The following ICA1L variants were observed in gnomAD, a reference collection of about 807,000 sequenced individuals.
The protein encoded by ICA1L is islet cell autoantigen 1 like, also known as islet cell autoantigen 1-like protein.
ICA1L carries 50 observed loss-of-function variants against 61.3 expected under a neutral mutation model. That is an observed-to-expected ratio of 0.82 (90% CI 0.65 to 1.03). The LOEUF is 1.03. ICA1L is among the 50% of genes least tolerant of loss of function. The pLI, the probability that ICA1L is intolerant of heterozygous loss-of-function variation, is 0.00. For missense variants in ICA1L, 508 were observed against 556.7 expected (o/e 0.91, Z 0.88); for synonymous variants, 161 against 191.3 (o/e 0.84, Z 1.31).
chr2:202,804,585 A>G (rs184649727), intron 9 of ICA1L, among the ~76,000 whole-genome samples: 1 of 152,334 alleles, frequency 6.6e-6, no homozygotes, highest in East Asian at 1.9e-4. Flanking sequence ...TAACAGTGGA[A>G]GATTTTAAAA....
chr2:202,779,709 C>T (rs1692334895), intron 12 of ICA1L, 61 bp from the exon 13 acceptor site: 1 of 981,040 alleles, frequency 1.0e-6, no homozygotes, highest in Non-Finnish European at 1.5e-6. Flanking sequence ...GTTTTTGTAC[C>T]ATATTTATGA....
chr2:202,783,088 A>C (rs1034250999), intron 12 of ICA1L, among the ~76,000 whole-genome samples: 3 of 152,168 alleles, frequency 2.0e-5, no homozygotes, highest in African/African-American at 4.8e-5. Context: ...TAAGTAAATA[A>C]GTAGGGAAAA....
intron 12 of ICA1L, among the ~76,000 whole-genome samples, chr2:202,782,617 C>T (rs1692448510): frequency 6.6e-6 from 1 of 152,012 alleles, no homozygotes; most frequent in Non-Finnish European, 1.5e-5. Context: ...CCATGTTGGC[C>T]AGGCTGGTCT....
intron 1 of ICA1L, among the ~76,000 whole-genome samples, chr2:202,867,735 C>A (rs941081272): frequency 6.6e-6 from 1 of 152,110 alleles, no homozygotes. Context: ...AAAGTGCTGG[C>A]AACAATGAGG....
At chr2:202,796,863 T>G (rs368779663) in intron 10 of ICA1L, 27 bp downstream of exon 10, 14 of 1,319,528 alleles carry the variant, frequency 1.1e-5, no homozygotes, top group Non-Finnish European at 1.5e-5. Context: ...AAAGAATCAT[T>G]CATATGTAGA....
At chr2:202,825,641 T>G in intron 3 of ICA1L, 54 bp downstream of exon 3, 1 of 1,352,028 alleles carries the variant, frequency 7.4e-7, no homozygotes, top group Non-Finnish European at 1.0e-6. Context: ...TTTTAAAAAA[T>G]GCTAATATTT....
In ICA1L at chr2:202,777,082, G is replaced by T. The variant is rs557370670; in HGVS notation, c.*2451C>A. 1 of 108,508 alleles carries T rather than the reference G, an allele frequency of 9.2e-6. No individual in the cohort carries two copies. The highest frequency in any genetic ancestry group is 1.6e-5 in the Non-Finnish European group (1 of 61,080). 6.7% of individuals were successfully genotyped at this position (108,508 alleles called of 1,614,324 possible). A position where few individuals can be genotyped will look rare whatever the true frequency, so the allele number is the denominator to read the frequency against. On this transcript the variant is annotated 3_prime_UTR_variant, in exon 13 of 13. Coordinates refer to ENST00000358299, the MANE Select transcript of ICA1L (RefSeq NM_001288622.3). ...TTTTTTTTTTTTTTTTGAGAGAGTC[G>T]CTCTCTGTTGCCCAGGCTGGAGTGT... is the stretch of plus-strand genomic sequence containing the variant.
At chr2:202,858,074 G>T (rs1022928011) in intron 1 of ICA1L, among the ~76,000 whole-genome samples, 3 of 152,150 alleles carry the variant, frequency 2.0e-5, no homozygotes. Flanking sequence ...ATTCCTCAAG[G>T]ATCTAGAACC....
chr2:202,866,753 C>G (rs1687526249), intron 1 of ICA1L, among the ~76,000 whole-genome samples: 1 of 152,142 alleles, frequency 6.6e-6, no homozygotes, highest in African/African-American at 2.4e-5. Flanking sequence ...CGAGACCAGT[C>G]TGGCCAATAT....
At chr2:202,866,774 C>CGGG (rs1559153390) in intron 1 of ICA1L, among the ~76,000 whole-genome samples, 2 of 151,978 alleles carry the variant, frequency 1.3e-5, no homozygotes, top group Non-Finnish European at 2.9e-5. Flanking sequence ...GGTGAAACCC[C>CGGG]GTCTCTATTA....
Position 202,775,027 on chromosome 2 carries a change from A to G in ICA1L, c.*4506T>C, listed in dbSNP as rs1012668987. 6.6e-6 allele frequency: 1 copy of G among 152,208 alleles called. No individual in the cohort carries two copies. The highest frequency in any genetic ancestry group is 2.4e-5 in the African/African-American group (1 of 41,458). The allele number at this position is 152,208 out of a possible 1,614,324, so 9.4% of individuals were successfully genotyped here. A position where few individuals can be genotyped will look rare whatever the true frequency, so the allele number is the denominator to read the frequency against. On this transcript the variant is annotated 3_prime_UTR_variant, in exon 13 of 13. Transcript: ENST00000358299. ...GACAGTTTGTTTTGAACTCTTTAGT[A>G]GTCTTTTAAATGGTACAGAAAAAGA...
chr2:202,862,272 C>CAAAA lies in ICA1L; in HGVS notation c.-8+9343_-8+9346dup, dbSNP rs778355110. Among the ~76,000 whole-genome samples, 94 of 62,914 alleles carry CAAAA rather than the reference C, an allele frequency of 1.5e-3. 10 individuals carry two copies. The highest frequency in any genetic ancestry group is 7.2e-3 in the African/African-American group (87 of 12,060). 41.3% of individuals were successfully genotyped at this position (62,914 alleles called of 152,430 possible). ...GCAACACAGTAAGACCTCATTTCTA[C>CAAAA]AAAAAAAAAAAAAAAAAAAAAAAAA... On this transcript the variant is annotated intron_variant, in intron 1 of 12. Transcript: ENST00000358299.
In ICA1L at chr2:202,837,730, A is replaced by G. The variant is rs569933894; in HGVS notation, c.-7-8714T>C. Among the ~76,000 whole-genome samples the G allele has an allele frequency of 3.5e-4, 53 of 150,746 alleles. 1 individual carries two copies. In the South Asian group the frequency reaches 0.011, roughly 32 times the overall value. The stretch of plus-strand genomic sequence containing the variant: ...CTTAAGGGATAACATTAGGTTGTTT[A>G]TTTAGGGCTTTTCTTTTTTTTTTGA... On this transcript the variant is annotated intron_variant, in intron 1 of 12. Coordinates refer to ENST00000358299, the MANE Select transcript of ICA1L (RefSeq NM_001288622.3).
At chr2:202,780,047 G>C (rs896020343) in intron 12 of ICA1L, among the ~76,000 whole-genome samples, 3 of 152,158 alleles carry the variant, frequency 2.0e-5, no homozygotes, top group Non-Finnish European at 4.4e-5. Flanking sequence ...AGTTAAAAGT[G>C]AAAAGGCAAG....
At chr2:202,854,254 A>G (rs1259407884) in intron 1 of ICA1L, among the ~76,000 whole-genome samples, 1 of 152,150 alleles carries the variant, frequency 6.6e-6, no homozygotes, top group African/African-American at 2.4e-5. Flanking sequence ...ACTCTCTGAT[A>G]AAACAGACTT....
chr2:202,868,294 G>A (rs1337614137), intron 1 of ICA1L, among the ~76,000 whole-genome samples: 1 of 152,170 alleles, frequency 6.6e-6, no homozygotes, highest in Non-Finnish European at 1.5e-5. Context: ...CACATCCATG[G>A]TAATAGCTTA....
At chr2:202,809,954 A>G (rs960315284) in intron 9 of ICA1L, among the ~76,000 whole-genome samples, 4 of 151,940 alleles carry the variant, frequency 2.6e-5, no homozygotes, top group Non-Finnish European at 1.5e-5. Flanking sequence ...AGAATTTCCC[A>G]AACCTAGAGA....
At chr2:202,816,530 T>C (rs1003795847) in intron 6 of ICA1L, among the ~76,000 whole-genome samples, 2 of 152,200 alleles carry the variant, frequency 1.3e-5, no homozygotes, top group Non-Finnish European at 2.9e-5. Context: ...TTCTTGCTGC[T>C]TCAAGGTTCC....
rs532145608 is a variant in ICA1L at position 202,801,890 on chromosome 2, G to A, written c.911-4926C>T. 1.4e-4 allele frequency among the ~76,000 whole-genome samples: 22 copies of A among 152,296 alleles called. No homozygotes were observed. The South Asian group carries it at 4.6e-3, about 32-fold the overall frequency. ...CCTTGACTCTGGGAAGAAGCAGTAT[G>A]AATTTTCTTTTGCAAAAAATTATCT... On this transcript the variant is annotated intron_variant, in intron 9 of 12. Coordinates refer to ENST00000358299, the MANE Select transcript of ICA1L (RefSeq NM_001288622.3).
Sources: gnomAD v4.1 joint callset for allele counts (sites outside exome capture counted in the v4.1 genomes callset) on GRCh38, gnomAD v4.1.1 for gene constraint, MANE v1.5 for transcripts, NCBI Gene and HGNC (gene_info 2026-07-23, HGNC 2026-07-21) for gene names.